The following CDH4 variants were observed in gnomAD, a reference collection of about 807,000 sequenced individuals.
CDH4 encodes cadherin 4.
CDH4 carries 33 observed loss-of-function variants against 86.0 expected under a neutral mutation model. The observed-to-expected ratio is 0.38, with a 90% CI of 0.29 to 0.51. The LOEUF is 0.51. CDH4 is among the 20% of genes least tolerant of loss of function. The pLI is 0.86. For missense variants in CDH4, 1,114 were observed against 1,307.4 expected, an observed-to-expected ratio of 0.85 and a Z score of 2.28; for synonymous variants, 555 against 549.4, an observed-to-expected ratio of 1.01 and a Z score of -0.14.
chr20:61,869,274 A>G (rs1211639570), intron 6 of CDH4, among the ~76,000 whole-genome samples: 1 of 152,216 alleles, frequency 6.6e-6, no homozygotes, highest in Non-Finnish European at 1.5e-5. Flanking sequence ...TCAGCAAACC[A>G]CCGGCCAAAC....
chr20:61,657,093 TG>T (rs1314968368), intron 2 of CDH4, among the ~76,000 whole-genome samples: 1 of 152,230 alleles, frequency 6.6e-6, no homozygotes, highest in African/African-American at 2.4e-5. Context: ...ATCTAATGAC[TG>T]GGCTTATGCC....
At chr20:61,812,796 C>T (rs542587180) in intron 4 of CDH4, among the ~76,000 whole-genome samples, 5 of 152,338 alleles carry the variant, frequency 3.3e-5, no homozygotes, top group Admixed American at 3.3e-4. Context: ...CCCTCAACTA[C>T]TGTATCCCAA....
Position 61,754,662 on chromosome 20 carries a change from ACGCCCCGCACACAC to A in CDH4, c.396+10874_396+10887del. On this transcript the variant is annotated intron_variant, in intron 3 of 15. Coordinates refer to ENST00000614565, the MANE Select transcript of CDH4 (RefSeq NM_001794.5). The surrounding 1 kb of genome is among the most constrained non-coding windows in gnomAD (Gnocchi z 4.7). ...CACGCCCCACACACCACACGCACACACGCCCCGCACACACTATGCACACCACACACACAGTGCAT... is the reference window on the plus strand; with the variant it reads ...CACGCCCCACACACCACACGCACACATATGCACACCACACACACAGTGCAT... Among the ~76,000 whole-genome samples the A allele has an allele frequency of 3.6e-5, 5 of 139,010 alleles. No homozygotes were observed. The highest frequency in any genetic ancestry group is 1.4e-4 in the African/African-American group (5 of 36,706). 91.2% of individuals were successfully genotyped at this position (139,010 alleles called of 152,430 possible).
At chr20:61,922,512 C>T (rs1017581277) in intron 9 of CDH4, among the ~76,000 whole-genome samples, 28 of 152,206 alleles carry the variant, frequency 1.8e-4, no homozygotes, top group Non-Finnish European at 7.3e-5. Flanking sequence ...TCCGGGGCTG[C>T]GGTTACAAGT....
At chr20:61,451,122 G>C (rs77213920) in intron 2 of CDH4, among the ~76,000 whole-genome samples, 3 of 100,634 alleles carry the variant, frequency 3.0e-5, no homozygotes, top group African/African-American at 6.9e-5. Context: ...TCCCTCTCAC[G>C]CCCCCCCCCT....
intron 4 of CDH4, among the ~76,000 whole-genome samples, chr20:61,843,177 G>A (rs1304350441): frequency 2.0e-5 from 3 of 151,312 alleles, no homozygotes; most frequent in Admixed American, 6.6e-5. Context: ...TCGGCCAGGC[G>A]CGGTGGCTCA....
At chr20:61,764,486 G>C (rs778097058) in intron 3 of CDH4, among the ~76,000 whole-genome samples, 1 of 152,084 alleles carries the variant, frequency 6.6e-6, no homozygotes, top group South Asian at 2.1e-4. Context: ...AGAGAGACCC[G>C]GGGCTGGAGA....
intron 2 of CDH4, among the ~76,000 whole-genome samples, chr20:61,646,966 A>G (rs1600836447): frequency 6.6e-6 from 1 of 152,230 alleles, no homozygotes. Context: ...AGACTGGGAA[A>G]GTGAAGGCTC....
At chr20:61,588,787 G>A (rs947519412) in intron 2 of CDH4, among the ~76,000 whole-genome samples, 2 of 152,114 alleles carry the variant, frequency 1.3e-5, no homozygotes, top group Non-Finnish European at 2.9e-5. Flanking sequence ...GAGAAAAGCC[G>A]ACAAAACCTT....
Position 61,934,302 on chromosome 20 carries a change from C to T in CDH4, c.2544+82C>T. On this transcript the variant is annotated intron_variant, in intron 15 of 15. Transcript: ENST00000614565. ...TTCTGGTAACACACACAGAAGCCAT[C>T]TCCACAGTGCCGGCGGCTGCCGTGG... The T allele has an allele frequency of 2.1e-6, 3 of 1,418,558 alleles. No individual in the cohort carries two copies. The Admixed American group carries it at 7.8e-5, about 37-fold the overall frequency. 87.9% of individuals were successfully genotyped at this position (1,418,558 alleles called of 1,614,324 possible).
intron 2 of CDH4, among the ~76,000 whole-genome samples, chr20:61,503,517 T>C (rs2085719442): frequency 6.6e-6 from 1 of 152,194 alleles, no homozygotes; most frequent in East Asian, 1.9e-4. Flanking sequence ...AGAGTAAGTG[T>C]GTCCTGGATG....
intron 6 of CDH4, among the ~76,000 whole-genome samples, chr20:61,855,898 G>A (rs987723684): frequency 3.9e-4 from 60 of 152,334 alleles, no homozygotes; most frequent in Non-Finnish European, 7.8e-4. Flanking sequence ...AGCCCCTGGG[G>A]GATCGGGAGT....
rs372896737 is a variant in CDH4, at chr20:61,681,736, C to T, written c.170-61827C>T. Among the ~76,000 whole-genome samples, 42 of 152,296 alleles carry T rather than the reference C, an allele frequency of 2.8e-4. 1 individual carries two copies. The highest frequency in any genetic ancestry group is 1.0e-3 in the African/African-American group (42 of 41,554). ...GGCTCAGTGCATGTGGAGCTGCCAC[C>T]CTAGAAAGCCCTGCGTCGGTGTTGC... On this transcript the variant is annotated intron_variant, in intron 2 of 15. Transcript: ENST00000614565. This position sits in a 1 kb window ranked among gnomAD's most constrained non-coding sequence, Gnocchi z 4.5.
intron 2 of CDH4, among the ~76,000 whole-genome samples, chr20:61,730,166 C>T (rs2088161558): frequency 6.6e-6 from 1 of 152,126 alleles, no homozygotes; most frequent in Non-Finnish European, 1.5e-5. Context: ...TATTAGGACA[C>T]AGTCCAGGCT....
intron 3 of CDH4, among the ~76,000 whole-genome samples, chr20:61,762,417 C>T (rs1344852827): frequency 6.6e-6 from 1 of 152,178 alleles, no homozygotes; most frequent in African/African-American, 2.4e-5. Context: ...CCCACATTTC[C>T]ACTTCTGGAG....
At chr20:61,257,774 C>T (rs750271151) in intron 2 of CDH4, among the ~76,000 whole-genome samples, 17 of 152,214 alleles carry the variant, frequency 1.1e-4, no homozygotes, top group Non-Finnish European at 2.2e-4. Context: ...CCAGCCCGCC[C>T]GGAAGCTGCA....
chr20:61,873,359 A>G (rs12480540), intron 6 of CDH4, among the ~76,000 whole-genome samples: 1 of 152,010 alleles, frequency 6.6e-6, no homozygotes, highest in Non-Finnish European at 1.5e-5. Context: ...GAGTGGAAGC[A>G]CCTTGGACGC....
chr20:61,505,176 G>A (rs1229063809), intron 2 of CDH4, among the ~76,000 whole-genome samples: 1 of 152,100 alleles, frequency 6.6e-6, no homozygotes, highest in Non-Finnish European at 1.5e-5. Flanking sequence ...TTCATTGTGG[G>A]GTGTTTCACC....
Position 61,670,622 on chromosome 20 carries a change from C to G in CDH4, c.170-72941C>G, listed in dbSNP as rs564284801. Among the ~76,000 whole-genome samples, 21 of 152,322 alleles carry G rather than the reference C, an allele frequency of 1.4e-4. 1 individual carries two copies. The South Asian group carries it at 4.3e-3, about 32-fold the overall frequency. The stretch of plus-strand genomic sequence containing the variant: ...CTCTAGGAGGATGCTGGAAAAAGTG[C>G]AAAGCACTTGTTTTTGTATGGGGAG... On this transcript the variant is annotated intron_variant, in intron 2 of 15. Coordinates refer to ENST00000614565, the MANE Select transcript of CDH4 (RefSeq NM_001794.5).
Sources: gnomAD v4.1 joint callset for allele counts (sites outside exome capture counted in the v4.1 genomes callset) on GRCh38, gnomAD v4.1.1 for gene constraint, Gnocchi (gnomAD v3.1) non-coding constraint, MANE v1.5 for transcripts, NCBI Gene and HGNC (gene_info 2026-07-23, HGNC 2026-07-21) for gene names.